Variants in PTPRT observed in about 807,000 individuals in gnomAD.
PTPRT encodes receptor-type tyrosine-protein phosphatase T.
A neutral mutation model predicts 176.8 loss-of-function variants in PTPRT; 56 were observed. The ratio of observed to expected loss-of-function variants is 0.32; its 90% confidence interval spans 0.26 to 0.40. PTPRT has a LOEUF of 0.40. Among genes scored for constraint, PTPRT ranks in the 10% least tolerant of loss-of-function variants. The pLI, the probability that PTPRT is intolerant of heterozygous loss-of-function variation, is 1.00. For missense variants in PTPRT, 1,540 were observed against 1,908.2 expected (o/e 0.81, Z 3.60); for synonymous variants, 783 against 739.0 (o/e 1.06, Z -0.96).
rs201539087 is a variant in PTPRT at position 42,110,321 on chromosome 20, C to A, written c.3254+12G>T. Reference sequence around the variant, plus strand: ...CGCCTCGGCCTCCCAAGGTGAAGGACCTTTGACTTACCTGCAGTGGACCAC... The same window carrying A: ...CGCCTCGGCCTCCCAAGGTGAAGGAACTTTGACTTACCTGCAGTGGACCAC... On this transcript the variant is annotated intron_variant, in intron 23 of 30. Transcript: ENST00000373187. 7 of 1,598,492 alleles carry A rather than the reference C, an allele frequency of 4.4e-6. No individual in the cohort carries two copies. Among genetic ancestry groups the A allele is most frequent in the East Asian group, 2.2e-5 (1 of 44,678 alleles).
At chr20:43,136,272 C>T (rs1172701258) in intron 1 of PTPRT, among the ~76,000 whole-genome samples, 2 of 152,186 alleles carry the variant, frequency 1.3e-5, no homozygotes, top group Non-Finnish European at 2.9e-5. Flanking sequence ...GCTGTAAATT[C>T]ATCTCCGCCT....
In PTPRT at chr20:42,770,008, C is replaced by T. The variant is rs561032731; in HGVS notation, c.684+1427G>A. ...TTACACATGGGGACGGAACTTTGGACGCCATGCAAATATTCAATATCTTGA... is the reference window on the plus strand; with the variant it reads ...TTACACATGGGGACGGAACTTTGGATGCCATGCAAATATTCAATATCTTGA... On this transcript the variant is annotated intron_variant, in intron 5 of 30. Transcript: ENST00000373187. Among the ~76,000 whole-genome samples the T allele has an allele frequency of 7.6e-4, 116 of 152,254 alleles. 1 individual carries two copies. Among genetic ancestry groups the T allele is most frequent in the Admixed American group, 3.5e-3 (54 of 15,302 alleles).
chr20:42,889,478 C>T (rs1028912189), intron 1 of PTPRT, among the ~76,000 whole-genome samples: 1 of 152,246 alleles, frequency 6.6e-6, no homozygotes, highest in Non-Finnish European at 1.5e-5. Context: ...TTCTATTCCA[C>T]TCTGCCAGGA....
At chr20:42,199,153 C>G in intron 16 of PTPRT, 87 bp downstream of exon 16, 1 of 1,487,802 alleles carries the variant, frequency 6.7e-7, no homozygotes, top group Middle Eastern at 1.9e-4. Flanking sequence ...CCTGGCAGCA[C>G]CTGATCAATG....
chr20:42,381,259 C>T (rs183523769), intron 9 of PTPRT, among the ~76,000 whole-genome samples: 17 of 152,170 alleles, frequency 1.1e-4, no homozygotes, highest in Admixed American at 2.6e-4. Context: ...ACTTTTGAGC[C>T]CTTTGAAGTT....
At chr20:43,044,776 G>C (rs892648113) in intron 1 of PTPRT, among the ~76,000 whole-genome samples, 26 of 152,152 alleles carry the variant, frequency 1.7e-4, no homozygotes, top group African/African-American at 6.3e-4. Context: ...AGTGCACGGT[G>C]CAGACAACTC....
rs1568799527 is a variant in PTPRT, at chr20:42,350,230, T to TGTTTG, written c.1865+397_1865+398insCAAAC. Among the ~76,000 whole-genome samples the TGTTTG allele has an allele frequency of 2.0e-3, 156 of 78,626 alleles. 2 individuals carry two copies. Among genetic ancestry groups the TGTTTG allele is most frequent in the African/African-American group, 8.2e-3 (154 of 18,816 alleles). 51.6% of individuals were successfully genotyped at this position (78,626 alleles called of 152,430 possible). A position where few individuals can be genotyped will look rare whatever the true frequency, so the allele number is the denominator to read the frequency against. On this transcript the variant is annotated intron_variant, in intron 11 of 30. Coordinates refer to ENST00000373187, the MANE Select transcript of PTPRT (RefSeq NM_007050.6). ...ATGTTTCTTGTTTTTTTTTTTTTTT[T>TGTTTG]TTTTTTTTTTTTTTTTGAGACAGGG...
rs575241949 is a variant in PTPRT, at chr20:43,117,067, T to C, written c.88+72579A>G. On this transcript the variant is annotated intron_variant, in intron 1 of 30. Transcript: ENST00000373187. Reference sequence around the variant, plus strand: ...CCTTGGACCAGTGAACCAGCCAATGTGTGTTTCTCATGGCAATGACCAAAA... The same window carrying C: ...CCTTGGACCAGTGAACCAGCCAATGCGTGTTTCTCATGGCAATGACCAAAA... 3.9e-5 allele frequency among the ~76,000 whole-genome samples: 6 copies of C among 152,308 alleles called. No individual in the cohort carries two copies. The East Asian group carries it at 1.2e-3, about 29-fold the overall frequency.
chr20:42,221,063 C>T (rs533451467), intron 15 of PTPRT, among the ~76,000 whole-genome samples: 11 of 152,210 alleles, frequency 7.2e-5, no homozygotes, highest in South Asian at 6.2e-4. Flanking sequence ...TACAGTGGTG[C>T]GATCTTGGCT....
intron 1 of PTPRT, among the ~76,000 whole-genome samples, chr20:43,135,016 T>C (rs1403117170): frequency 6.6e-6 from 1 of 152,156 alleles, no homozygotes; most frequent in East Asian, 1.9e-4. Context: ...CCAAACTGTC[T>C]CCAGATAATA....
intron 1 of PTPRT, among the ~76,000 whole-genome samples, chr20:43,090,794 C>T (rs549756148): frequency 1.1e-4 from 17 of 152,134 alleles, no homozygotes; most frequent in African/African-American, 3.6e-4. Context: ...TATCCATCTA[C>T]TAGATGCTCC....
At chr20:42,421,271 C>T (rs1452959032) in intron 9 of PTPRT, among the ~76,000 whole-genome samples, 1 of 94,030 alleles carries the variant, frequency 1.1e-5, no homozygotes, top group African/African-American at 4.1e-5. Flanking sequence ...CACGCACACA[C>T]ACACACGCAT....
At chr20:42,839,192 A>C (rs2078234055) in intron 2 of PTPRT, among the ~76,000 whole-genome samples, 2 of 151,954 alleles carry the variant, frequency 1.3e-5, no homozygotes, top group South Asian at 4.2e-4. Context: ...CTGGTTGCCC[A>C]TCAGCCTTTC....
chr20:43,016,480 C>T (rs1160012434), intron 1 of PTPRT, among the ~76,000 whole-genome samples: 2 of 151,240 alleles, frequency 1.3e-5, no homozygotes, highest in African/African-American at 2.4e-5. Flanking sequence ...CCTACCACAG[C>T]TCTCCATGCC....
chr20:42,440,585 C>T (rs1286038058), intron 9 of PTPRT, among the ~76,000 whole-genome samples: 3 of 151,784 alleles, frequency 2.0e-5, no homozygotes, highest in African/African-American at 7.3e-5. Context: ...TCACGCCATT[C>T]TCCTGCCTCA....
At chr20:42,887,720 G>T (rs1011593512) in intron 1 of PTPRT, among the ~76,000 whole-genome samples, 2 of 152,232 alleles carry the variant, frequency 1.3e-5, no homozygotes, top group Non-Finnish European at 2.9e-5. Context: ...ACCTGTGATA[G>T]AAAAGCTTTC....
intron 7 of PTPRT, among the ~76,000 whole-genome samples, chr20:42,476,979 G>A (rs1391847992): frequency 1.3e-5 from 2 of 152,194 alleles, no homozygotes; most frequent in Admixed American, 6.5e-5. Context: ...ATTTTAGTCT[G>A]TAGCCCCTTC....
At chr20:42,220,854 C>T (rs918320734) in intron 15 of PTPRT, among the ~76,000 whole-genome samples, 41 of 152,276 alleles carry the variant, frequency 2.7e-4, no homozygotes, top group Admixed American at 6.5e-4. Context: ...TGACCCCAAC[C>T]GTATCCTCTC....
At chr20:43,008,994 C>T (rs768350250) in intron 1 of PTPRT, among the ~76,000 whole-genome samples, 22 of 152,148 alleles carry the variant, frequency 1.4e-4, no homozygotes, top group Non-Finnish European at 3.1e-4. Context: ...CTTCTGGAAA[C>T]ATTCGGAAGG....
Sources: allele counts gnomAD v4.1 joint callset (sites outside exome capture counted in the v4.1 genomes callset), GRCh38; gene constraint gnomAD v4.1.1; transcripts MANE v1.5; gene names NCBI Gene and HGNC (gene_info 2026-07-23, HGNC 2026-07-21).